Variants in AVEN observed in about 807,000 individuals in gnomAD.
AVEN encodes apoptosis and caspase activation inhibitor.
Under a neutral mutation model 38.1 loss-of-function variants are expected in AVEN, and 41 were observed. The observed-to-expected ratio is 1.08, with a 90% CI of 0.84 to 1.40. The LOEUF (loss-of-function observed/expected upper bound fraction) is 1.40. Ranked by LOEUF, AVEN falls within the 40% of genes most tolerant of loss-of-function variation. AVEN has a pLI of 0.00. For synonymous variants in AVEN, 206 were observed against 171.8 expected, an observed-to-expected ratio of 1.20 and a Z score of -1.56; for missense variants, 605 against 438.8, an observed-to-expected ratio of 1.38 and a Z score of -3.38.
chr15:34,049,944 G>A (rs1461375088), intron 5 of AVEN, among the ~76,000 whole-genome samples: 1 of 149,426 alleles, frequency 6.7e-6, no homozygotes, highest in Non-Finnish European at 1.5e-5. Context: ...CTGGAGTGCA[G>A]TGGCACAATC....
chr15:33,881,756 C>A (rs894371940), intron 2 of AVEN, among the ~76,000 whole-genome samples: 1 of 152,182 alleles, frequency 6.6e-6, no homozygotes, highest in Admixed American at 6.5e-5. Flanking sequence ...CAATTAGAAA[C>A]CTACTTTAAG....
chr15:33,859,592 G>A (rs1212115880), intron 11 of AVEN: 2 of 1,613,854 alleles, frequency 1.2e-6, no homozygotes, highest in East Asian at 2.2e-5. Flanking sequence ...TTTTCCACAT[G>A]TACGTGGGAG....
chr15:33,891,188 T>C (rs576052), intron 2 of AVEN, among the ~76,000 whole-genome samples: 124,734 of 152,206 alleles, frequency 0.82, 55,207 homozygotes, highest in Non-Finnish European at 0.98. Flanking sequence ...TTTAGAAATT[T>C]ATCCCCACAG....
At chr15:34,009,651 C>G (rs1392489445) in intron 1 of AVEN, among the ~76,000 whole-genome samples, 1 of 151,922 alleles carries the variant, frequency 6.6e-6, no homozygotes, top group Non-Finnish European at 1.5e-5. Flanking sequence ...GTTATAAAGA[C>G]CAAGAAGGCT....
chr15:33,978,969 T>TA (rs563614866), intron 2 of AVEN, among the ~76,000 whole-genome samples: 68 of 151,976 alleles, frequency 4.5e-4, no homozygotes, highest in African/African-American at 1.3e-3. Context: ...ACAAGATAAA[T>TA]AAAAAAACAG....
At chr15:33,962,919 C>CAAAAAAAAAAAAAAAAAAA (rs57807791) in intron 2 of AVEN, among the ~76,000 whole-genome samples, 1 of 81,948 alleles carries the variant, frequency 1.2e-5, no homozygotes, top group African/African-American at 5.4e-5. Flanking sequence ...AACTCGTTCT[C>CAAAAAAAAAAAAAAAAAAA]AAAAAAAAAA....
chr15:33,853,580 A>G, the AVEN span: 6 of 1,613,888 alleles, frequency 3.7e-6, no homozygotes, highest in Non-Finnish European at 5.1e-6. Context: ...GGAGATCTCT[A>G]CGGAGCAGAA....
At chr15:34,038,548 ACT>A (rs1567482757) in intron 1 of AVEN, among the ~76,000 whole-genome samples, 1 of 146,632 alleles carries the variant, frequency 6.8e-6, no homozygotes, top group Non-Finnish European at 1.5e-5. Flanking sequence ...TCCTACCCCC[ACT>A]GTCTCGCGCC....
intron 2 of AVEN, among the ~76,000 whole-genome samples, chr15:33,904,668 C>T (rs1039616730): frequency 1.2e-4 from 15 of 122,334 alleles, no homozygotes; most frequent in Admixed American, 1.1e-3. Flanking sequence ...CTGCCTTGGC[C>T]GAGACTGTTT....
chr15:34,016,394 G>A (rs1014249524), intron 1 of AVEN, among the ~76,000 whole-genome samples: 3 of 152,110 alleles, frequency 2.0e-5, no homozygotes, highest in South Asian at 2.1e-4. Flanking sequence ...AGTTGGGCTC[G>A]CATGGGTACT....
At chr15:34,073,064 G>A (rs574980886) in intron 1 of AVEN, among the ~76,000 whole-genome samples, 37 of 147,876 alleles carry the variant, frequency 2.5e-4, no homozygotes, top group Middle Eastern at 3.6e-3. Context: ...TTTTTGAGAC[G>A]GAGTCTCGCT....
intron 2 of AVEN, among the ~76,000 whole-genome samples, chr15:33,983,258 T>TTTTA (rs1896270113): frequency 6.8e-6 from 1 of 146,086 alleles, no homozygotes. Context: ...ATATATGGCT[T>TTTTA]CTTGGTAACC....
downstream of AVEN, among the ~76,000 whole-genome samples, chr15:33,863,398 C>A (rs1006890705): frequency 2.6e-5 from 4 of 152,196 alleles, no homozygotes; most frequent in Non-Finnish European, 5.9e-5. Flanking sequence ...CATGACAGAA[C>A]TCAAGATCTG....
intron 2 of AVEN, among the ~76,000 whole-genome samples, chr15:34,001,401 T>C (rs1457048054): frequency 1.3e-5 from 2 of 152,188 alleles, no homozygotes; most frequent in Non-Finnish European, 2.9e-5. Context: ...ACTACACAAC[T>C]GATTGAATTA....
At chr15:33,982,860 T>C (rs1896215117) in intron 2 of AVEN, among the ~76,000 whole-genome samples, 1 of 152,024 alleles carries the variant, frequency 6.6e-6, no homozygotes. Context: ...AAGGCTACCT[T>C]AGAATTATCC....
At chr15:34,017,486 T>TTTTG (rs1017820673) in intron 1 of AVEN, among the ~76,000 whole-genome samples, 2 of 67,348 alleles carry the variant, frequency 3.0e-5, no homozygotes, top group Non-Finnish European at 9.3e-5. Context: ...TTTTTTTTGT[T>TTTTG]TTTTTTTTTT....
At chr15:33,954,508 T>G (rs1035896581) in intron 2 of AVEN, among the ~76,000 whole-genome samples, 8 of 151,960 alleles carry the variant, frequency 5.3e-5, no homozygotes, top group African/African-American at 1.9e-4. Flanking sequence ...TGCAGGGACA[T>G]GGATGAAGCT....
intron 3 of AVEN, among the ~76,000 whole-genome samples, chr15:33,873,221 T>TAAAA (rs1477602146): frequency 2.8e-5 from 4 of 143,218 alleles, no homozygotes; most frequent in Non-Finnish European, 6.0e-5. Context: ...TGCCTCAGCC[T>TAAAA]CCCAAGCAGC....
chr15:34,057,346 G>C (rs1466782034), intron 5 of AVEN, among the ~76,000 whole-genome samples: 1 of 148,858 alleles, frequency 6.7e-6, no homozygotes, highest in Admixed American at 6.8e-5. Context: ...GTTTCACCAT[G>C]TTAGCCAGGA....
Sources: allele counts gnomAD v4.1 joint callset (sites outside exome capture counted in the v4.1 genomes callset), GRCh38; gene constraint gnomAD v4.1.1; transcripts MANE v1.5; gene names NCBI Gene and HGNC (gene_info 2026-07-23, HGNC 2026-07-21).